The following RBFOX1 variants were observed in gnomAD, a reference collection of about 807,000 sequenced individuals.
The protein encoded by RBFOX1 is RNA binding protein fox-1 homolog 1.
Under a neutral mutation model 57.7 loss-of-function variants are expected in RBFOX1, and 8 were observed. The observed-to-expected ratio is 0.14, with a 90% CI of 0.08 to 0.25. The LOEUF is 0.25. RBFOX1 is among the 10% of genes least tolerant of loss of function. The pLI is 1.00. For missense variants in RBFOX1, 611 were observed against 548.5 expected (o/e 1.11, Z -1.14); for synonymous variants, 326 against 222.4 (o/e 1.47, Z -4.15).
chr16:6,948,179 C>T (rs2079945237), intron 3 of RBFOX1, among the ~76,000 whole-genome samples: 1 of 151,928 alleles, frequency 6.6e-6, no homozygotes, highest in African/African-American at 2.4e-5. Flanking sequence ...TACCTGTAAT[C>T]CCAGCACTTT....
At chr16:6,065,845 C>T (rs939100584) in intron 1 of RBFOX1, among the ~76,000 whole-genome samples, 3 of 152,122 alleles carry the variant, frequency 2.0e-5, no homozygotes, top group Non-Finnish European at 2.9e-5. Flanking sequence ...CTTAAAGCCT[C>T]AGTAGTCCTT....
At chr16:5,811,601 C>A (rs1308116259) in intron 3 of RBFOX1, among the ~76,000 whole-genome samples, 1 of 152,042 alleles carries the variant, frequency 6.6e-6, no homozygotes, top group East Asian at 1.9e-4. Flanking sequence ...CAGGCATGCA[C>A]CACCACATTG....
At position 6,344,367 on chromosome 16, in the gene RBFOX1, C is replaced by G. The variant is rs181994505; in HGVS notation, c.-64+27310C>G. ...TGCCCGGCCTGGTATTATACAATTA[C>G]ACAATCTTTCCTTCTCTCTTCTTCT... On this transcript the variant is annotated intron_variant, in intron 2 of 15. Transcript: ENST00000550418. Among the ~76,000 whole-genome samples the G allele has an allele frequency of 1.9e-3, 292 of 150,562 alleles. 1 individual carries two copies. The highest frequency in any genetic ancestry group is 0.014 in the Middle Eastern group (4 of 284).
exon 3 of RBFOX1, chr16:5,599,265 G>T (rs1051573658): frequency 3.0e-5 from 20 of 666,896 alleles, no homozygotes; most frequent in Admixed American, 1.3e-4. Flanking sequence ...CTGCAAATTG[G>T]TCCCTCTGCG....
intron 4 of RBFOX1, among the ~76,000 whole-genome samples, chr16:7,479,694 G>A (rs375235150): frequency 1.2e-4 from 19 of 152,218 alleles, no homozygotes; most frequent in Admixed American, 5.9e-4. Context: ...GCTTCTCTCC[G>A]AGGGGAAGTG....
intron 2 of RBFOX1, among the ~76,000 whole-genome samples, chr16:6,434,437 T>G (rs969133833): frequency 1.3e-5 from 2 of 152,014 alleles, no homozygotes; most frequent in Non-Finnish European, 2.9e-5. Context: ...CATCCCACAG[T>G]TTTTCCCCCG....
intron 3 of RBFOX1, among the ~76,000 whole-genome samples, chr16:6,857,324 A>T (rs2058089959): frequency 2.0e-5 from 3 of 152,176 alleles, no homozygotes; most frequent in Non-Finnish European, 4.4e-5. Context: ...CTGAAGAACT[A>T]TTTAAAAAGA....
At chr16:5,786,186 G>A (rs1359971646) in intron 3 of RBFOX1, among the ~76,000 whole-genome samples, 1 of 152,104 alleles carries the variant, frequency 6.6e-6, no homozygotes, top group Non-Finnish European at 1.5e-5. Flanking sequence ...TGTTCTCTCT[G>A]CCCTTCAAAT....
At chr16:6,713,218 A>G (rs2064068910) in intron 3 of RBFOX1, among the ~76,000 whole-genome samples, 1 of 151,928 alleles carries the variant, frequency 6.6e-6, no homozygotes, top group South Asian at 2.1e-4. Context: ...TAGAGCCAGG[A>G]TAATCTTTTC....
chr16:6,242,266 C>G (rs1464290891), intron 1 of RBFOX1, among the ~76,000 whole-genome samples: 2 of 152,144 alleles, frequency 1.3e-5, no homozygotes, highest in Non-Finnish European at 2.9e-5. Flanking sequence ...CAAACAGGAT[C>G]ATATCCAAGC....
At chr16:7,112,031 AAGGG>A (rs1258207556) in intron 4 of RBFOX1, among the ~76,000 whole-genome samples, 2 of 152,122 alleles carry the variant, frequency 1.3e-5, no homozygotes, top group Admixed American at 6.6e-5. Flanking sequence ...GAGACAGGAA[AAGGG>A]AGGAAGGGAG....
intron 3 of RBFOX1, among the ~76,000 whole-genome samples, chr16:6,866,861 G>A (rs2060024350): frequency 6.6e-6 from 1 of 152,044 alleles, no homozygotes; most frequent in East Asian, 1.9e-4. Context: ...GGTTTTCTAA[G>A]GTTGTAACTT....
intron 1 of RBFOX1, chr16:5,365,785 G>T (rs545807857): frequency 2.0e-5 from 10 of 506,660 alleles, no homozygotes; most frequent in African/African-American, 3.9e-5. Flanking sequence ...CTAAGTGCAT[G>T]CTGCCACCCA....
intron 4 of RBFOX1, among the ~76,000 whole-genome samples, chr16:5,922,622 G>C (rs1007628952): frequency 3.3e-5 from 5 of 152,186 alleles, no homozygotes; most frequent in South Asian, 4.1e-4. Flanking sequence ...GAAAGCTGCT[G>C]CTGGTTTAAA....
At position 6,649,351 on chromosome 16, in the gene RBFOX1, C is replaced by A. The variant is rs1251686766; in HGVS notation, c.-63-5252C>A. Among the ~76,000 whole-genome samples, 4 of 152,094 alleles carry A rather than the reference C, an allele frequency of 2.6e-5. No individual in the cohort carries two copies. The South Asian group carries it at 8.3e-4, about 32-fold the overall frequency. On this transcript the variant is annotated intron_variant, in intron 2 of 15. Transcript: ENST00000550418. Reference sequence around the variant, plus strand: ...CTTTATGTGGTTCTTCCTTGATGGACACTTAGTTTTTTGCTTTTTGTTTTA... The same window carrying A: ...CTTTATGTGGTTCTTCCTTGATGGAAACTTAGTTTTTTGCTTTTTGTTTTA...
intron 3 of RBFOX1, among the ~76,000 whole-genome samples, chr16:6,878,385 G>C (rs894506970): frequency 8.5e-5 from 13 of 152,228 alleles, no homozygotes; most frequent in Admixed American, 2.6e-4. Context: ...TGATATGGTG[G>C]CTAGAAATAT....
intron 3 of RBFOX1, among the ~76,000 whole-genome samples, chr16:6,843,473 G>A (rs1341914475): frequency 6.6e-6 from 1 of 152,084 alleles, no homozygotes; most frequent in Non-Finnish European, 1.5e-5. Flanking sequence ...CAGATCACGA[G>A]GTCAGGAGAT....
intron 3 of RBFOX1, among the ~76,000 whole-genome samples, chr16:6,815,416 C>T (rs191929659): frequency 4.0e-4 from 61 of 152,274 alleles, no homozygotes; most frequent in African/African-American, 1.4e-3. Context: ...TTACCTAACC[C>T]CTTTTCAAGA....
chr16:7,489,396 C>G (rs2066314670), intron 4 of RBFOX1, among the ~76,000 whole-genome samples: 1 of 152,098 alleles, frequency 6.6e-6, no homozygotes, highest in Non-Finnish European at 1.5e-5. Context: ...GTCCTAATGC[C>G]AAGTACTTTA....
Sources: gnomAD v4.1 joint callset for allele counts (sites outside exome capture counted in the v4.1 genomes callset) on GRCh38, gnomAD v4.1.1 for gene constraint, MANE v1.5 for transcripts, NCBI Gene and HGNC (gene_info 2026-07-23, HGNC 2026-07-21) for gene names.